Variants in NME9 observed in about 807,000 individuals in gnomAD.
NME9 encodes thioredoxin domain-containing protein 6.
NME9 carries 48 observed loss-of-function variants against 44.4 expected under a neutral mutation model. The observed-to-expected ratio is 1.08, with a 90% CI of 0.86 to 1.37. The LOEUF is 1.37. Ranked by LOEUF, NME9 falls within the 40% of genes most tolerant of loss-of-function variation. The pLI is 0.00. For synonymous variants in NME9, 139 were observed against 147.1 expected (o/e 0.94, Z 0.40); for missense variants, 325 against 405.2 (o/e 0.80, Z 1.70).
intron 8 of NME9, among the ~76,000 whole-genome samples, chr3:138,283,113 T>G (rs938332724): frequency 6.6e-6 from 1 of 152,212 alleles, no homozygotes; most frequent in Non-Finnish European, 1.5e-5. Flanking sequence ...CAATTTATGT[T>G]TCATGTCTAC....
At chr3:138,295,666 A>C (rs1019975033) in intron 8 of NME9, among the ~76,000 whole-genome samples, 34 of 152,256 alleles carry the variant, frequency 2.2e-4, no homozygotes, top group Admixed American at 2.2e-3. Context: ...AGAAGAATAT[A>C]GCCAGAGTAG....
chr3:138,296,190 G>C, downstream of NME9: 1 of 310,106 alleles, frequency 3.2e-6, no homozygotes, highest in Non-Finnish European at 6.0e-6. Flanking sequence ...CTATGCTGCA[G>C]CCACTTTGTG....
At chr3:138,272,820 C>T (rs1261103553) in intron 8 of NME9, 7 of 598,602 alleles carry the variant, frequency 1.2e-5, no homozygotes, top group African/African-American at 3.9e-5. Context: ...TGCAGTGAGC[C>T]GTTATTGTGC....
exon 9 of NME9, chr3:138,262,568 G>T (rs761767101): frequency 6.2e-7 from 1 of 1,611,590 alleles, no homozygotes; most frequent in South Asian, 1.1e-5. Context: ...CTTCAACCTT[G>T]GCTGTGTACT....
At chr3:138,311,267 G>GA (rs1283893195) in intron 6 of NME9, among the ~76,000 whole-genome samples, 1 of 152,106 alleles carries the variant, frequency 6.6e-6, no homozygotes, top group Non-Finnish European at 1.5e-5. Flanking sequence ...TTCTGCCAAA[G>GA]AAAATCTCAG....
intron 2 of NME9, 24 bp downstream of exon 2, chr3:138,324,849 A>C (rs2053681774): frequency 9.5e-6 from 15 of 1,578,276 alleles, no homozygotes; most frequent in Non-Finnish European, 1.3e-5. Context: ...AATGGATCTA[A>C]AAAGTTATTT....
At chr3:138,293,250 A>C (rs2051147072) in intron 8 of NME9, among the ~76,000 whole-genome samples, 7 of 152,170 alleles carry the variant, frequency 4.6e-5, no homozygotes, top group Admixed American at 4.6e-4. Flanking sequence ...AGGCTAAAGA[A>C]GAATAACTAG....
intron 6 of NME9, among the ~76,000 whole-genome samples, chr3:138,308,502 A>G (rs186851164): frequency 6.6e-6 from 1 of 152,252 alleles, no homozygotes; most frequent in Admixed American, 6.5e-5. Flanking sequence ...TAAAATCTGC[A>G]AGTTAATATT....
At chr3:138,294,838 G>C (rs1283758857) in intron 8 of NME9, among the ~76,000 whole-genome samples, 1 of 152,018 alleles carries the variant, frequency 6.6e-6, no homozygotes, top group African/African-American at 2.4e-5. Flanking sequence ...GATCAGGATA[G>C]ATTAAGTCAC....
rs768746228 is a variant in NME9, at chr3:138,270,054, A to G, written c.746-7468T>C. The G allele has an allele frequency of 2.0e-5, 32 of 1,612,884 alleles. No individual in the cohort carries two copies. The African/African-American group carries it at 3.7e-4, about 19-fold the overall frequency. On this transcript the variant is annotated intron_variant, in intron 8 of 8. Transcript: ENST00000317876. ...TCCAATGGCAGCCAATTTTGGAATC[A>G]GGAGCCGTAGAGCTACTTTGTGGAT... is the stretch of plus-strand genomic sequence containing the variant.
Position 138,304,747 on chromosome 3 carries a change from TAGAG to T in NME9, c.791+122_791+125del, listed in dbSNP as rs1275356585. The T allele has an allele frequency of 3.4e-5, 32 of 948,960 alleles. No individual in the cohort carries two copies. The South Asian group carries it at 3.8e-4, about 11-fold the overall frequency. 58.8% of individuals were successfully genotyped at this position (948,960 alleles called of 1,614,324 possible). ...TGTCAGGGTCTCCCCAAATATATAA[TAGAG>T]AGCCTGGCCATCAGAGAGTCCTCTG... On this transcript the variant is annotated intron_variant, in intron 9 of 10. Coordinates refer to ENST00000333911, the MANE Select transcript of NME9 (RefSeq NM_001349018.2).
Position 138,314,393 on chromosome 3 carries a change from A to G in NME9, c.399T>C (p.Ala133=). Residue 133 remains alanine (A), a synonymous_variant, in exon 6 of 11, where the codon GCT becomes GCC. Coordinates refer to ENST00000333911, the MANE Select transcript of NME9 (RefSeq NM_001349018.2). ...AAACACATTCATCTTCATCAGAAAG[A>G]GCCTCATCTTTAATCTAGTACAAAT... is the stretch of plus-strand genomic sequence containing the variant. ...GRERKVIKDE[A]LSDEDECVSH... 6.2e-7 allele frequency: 1 copy of G among 1,606,506 alleles called. No individual in the cohort carries two copies. Among genetic ancestry groups the G allele is most frequent in the Non-Finnish European group, 8.5e-7 (1 of 1,173,816 alleles).
chr3:138,329,622 AGG>A lies in NME9; in HGVS notation c.-289_-288del, dbSNP rs1432270155. On this transcript the variant is annotated 5_prime_UTR_variant, in exon 1 of 11. The change abolishes the stop of an existing upstream ORF in the 5' untranslated region. Coordinates refer to ENST00000333911, the MANE Select transcript of NME9 (RefSeq NM_001349018.2). ...CCCCCTCCCCACCCCGGAGCCGGCCAGGGGGCGCGCGCAGAGGCCGGAGTCAG... is the reference window on the plus strand; with the variant it reads ...CCCCCTCCCCACCCCGGAGCCGGCCAGGGCGCGCGCAGAGGCCGGAGTCAG... 1 of 1,235,078 alleles carries A rather than the reference AGG, an allele frequency of 8.1e-7. No individual in the cohort carries two copies. The highest frequency in any genetic ancestry group is 1.6e-5 in the African/African-American group (1 of 62,664). 76.5% of individuals were successfully genotyped at this position (1,235,078 alleles called of 1,614,324 possible). A position where few individuals can be genotyped will look rare whatever the true frequency, so the allele number is the denominator to read the frequency against.
At chr3:138,273,192 T>C (rs553839789) in intron 8 of NME9, 2 of 1,417,564 alleles carry the variant, frequency 1.4e-6, no homozygotes, top group East Asian at 2.4e-5. Flanking sequence ...CTCTCTGTGC[T>C]CTCATTAACA....
intron 8 of NME9, among the ~76,000 whole-genome samples, chr3:138,266,177 C>T (rs1398353877): frequency 6.6e-6 from 1 of 152,122 alleles, no homozygotes; most frequent in Non-Finnish European, 1.5e-5. Context: ...TCTTTTTCAC[C>T]CTATTAGACA....
intron 8 of NME9, among the ~76,000 whole-genome samples, chr3:138,268,776 A>G (rs1164644740): frequency 6.6e-6 from 1 of 151,890 alleles, no homozygotes; most frequent in African/African-American, 2.4e-5. Context: ...ACCCTGTCTG[A>G]AAAAATTAAA....
At chr3:138,289,235 G>C (rs1211928627) in intron 8 of NME9, 4 of 774,218 alleles carry the variant, frequency 5.2e-6, no homozygotes, top group Non-Finnish European at 6.3e-6. Context: ...GGACCATCTG[G>C]CCCAAGCACC....
chr3:138,323,531 C>T (rs2053593756), intron 2 of NME9, among the ~76,000 whole-genome samples: 1 of 152,200 alleles, frequency 6.6e-6, no homozygotes, highest in South Asian at 2.1e-4. Flanking sequence ...GACAGAGTCT[C>T]ACCCCAAGTG....
chr3:138,288,004 A>G (rs1347166155), intron 8 of NME9: 1 of 173,564 alleles, frequency 5.8e-6, no homozygotes, highest in Non-Finnish European at 1.2e-5. Flanking sequence ...TAAGAATTGT[A>G]TTTAGAAGAA....
Sources: allele counts gnomAD v4.1 joint callset (sites outside exome capture counted in the v4.1 genomes callset), GRCh38; gene constraint gnomAD v4.1.1; transcripts MANE v1.5; gene names NCBI Gene and HGNC (gene_info 2026-07-23, HGNC 2026-07-21).